Variants in CD36 observed in about 807,000 individuals in gnomAD.
CD36 encodes the protein platelet glycoprotein 4.
CD36 carries 119 observed loss-of-function variants against 55.2 expected under a neutral mutation model. The observed-to-expected ratio is 2.15, with a 90% CI of 1.86 to 2.51. CD36 has a LOEUF of 2.51. Among genes scored for constraint, CD36 ranks in the 30% most tolerant of loss-of-function variants. The pLI is 0.00. For synonymous variants in CD36, 186 were observed against 193.6 expected (o/e 0.96, Z 0.33); for missense variants, 819 against 555.5 (o/e 1.47, Z -4.77).
At chr7:80,646,968 A>G in intron 3 of CD36, 108 bp downstream of exon 3, 1 of 1,227,516 alleles carries the variant, frequency 8.1e-7, no homozygotes, top group Non-Finnish European at 1.2e-6. Context: ...CTAATTTTGT[A>G]TCTTTGACAT....
intron 1 of CD36, chr7:80,623,850 C>T (rs1793605334): frequency 6.6e-6 from 1 of 152,216 alleles, no homozygotes; most frequent in African/African-American, 2.4e-5. Flanking sequence ...GGGACTGTTT[C>T]TGTGTGCTTT....
chr7:80,603,769 CA>C (rs371964967), intron 1 of CD36, among the ~76,000 whole-genome samples: 33,676 of 94,106 alleles, frequency 0.36, 3,705 homozygotes, highest in South Asian at 0.51. Flanking sequence ...TACAGTCAGG[CA>C]AAAAAAAAAA....
upstream of CD36, among the ~76,000 whole-genome samples, chr7:80,635,645 G>T (rs10215288): frequency 0.93 from 141,743 of 152,146 alleles, 66,471 homozygotes; most frequent in East Asian, 1. Context: ...TTTTAATCTT[G>T]ACAGCAATTC....
At chr7:80,634,661 A>G (rs1470889698), upstream of CD36, among the ~76,000 whole-genome samples, 1 of 152,104 alleles carries the variant, frequency 6.6e-6, no homozygotes, top group Middle Eastern at 3.2e-3. Context: ...TTTGCTTCTC[A>G]AATATGTTGC....
chr7:80,672,947 A>C, intron 12 of CD36, 104 bp downstream of exon 12: 1 of 761,004 alleles, frequency 1.3e-6, no homozygotes, highest in East Asian at 2.7e-5. Context: ...ATAACATCTG[A>C]TATCAACTTA....
intron 1 of CD36, among the ~76,000 whole-genome samples, chr7:80,612,666 A>G (rs1792939246): frequency 6.6e-6 from 1 of 152,162 alleles, no homozygotes; most frequent in Non-Finnish European, 1.5e-5. Flanking sequence ...TAGAAGAGAT[A>G]ATCTGACTTT....
chr7:80,624,735 T>C (rs1354825428), intron 1 of CD36, among the ~76,000 whole-genome samples: 1 of 151,862 alleles, frequency 6.6e-6, no homozygotes, highest in Admixed American at 6.6e-5. Context: ...AGTAATACAA[T>C]AGTAGGATAT....
intron 1 of CD36, among the ~76,000 whole-genome samples, chr7:80,615,098 C>CGA (rs1391483942): frequency 6.6e-6 from 1 of 152,078 alleles, no homozygotes; most frequent in East Asian, 1.9e-4. Context: ...AGCACATTCC[C>CGA]GTTAATCCAA....
chr7:80,617,829 A>G (rs1397551897), intron 1 of CD36, among the ~76,000 whole-genome samples: 5 of 152,226 alleles, frequency 3.3e-5, no homozygotes, highest in African/African-American at 7.2e-5. Flanking sequence ...ATTCTTTTCA[A>G]TTACATCTGT....
At chr7:80,645,054 C>T (rs1189383380) in intron 1 of CD36, among the ~76,000 whole-genome samples, 4 of 144,404 alleles carry the variant, frequency 2.8e-5, no homozygotes, top group Admixed American at 2.1e-4. Flanking sequence ...GAGTTTCACT[C>T]TTGTTGCCCA....
intron 14 of CD36, 142 bp downstream of exon 14, chr7:80,674,289 A>G (rs921827572): frequency 4.8e-6 from 3 of 626,536 alleles, no homozygotes; most frequent in South Asian, 1.9e-5. Context: ...ATATAGGTAA[A>G]TAAACCTATA....
chr7:80,644,888 A>T (rs539300938), intron 1 of CD36, among the ~76,000 whole-genome samples: 102 of 152,240 alleles, frequency 6.7e-4, no homozygotes, highest in African/African-American at 2.3e-3. Flanking sequence ...TGACACGCCA[A>T]CCCCATTATT....
rs201759988 is a variant in CD36 at position 80,646,745 on chromosome 7, G to T, written c.5G>T (p.Gly2Val). 205 of 1,613,854 alleles carry T rather than the reference G, an allele frequency of 1.3e-4. No individual in the cohort carries two copies. The highest frequency in any genetic ancestry group is 7.8e-5 in the Non-Finnish European group (92 of 1,179,938). ...TTCACCTCCTGAACAAGAAAAATGG[G>T]CTGTGACCGGAACTGTGGGCTCATC... MGCDRNCGLIAG... is the reference protein window; with the variant it reads MVCDRNCGLIAG... The change falls in exon 3 of 15, where the codon GGC becomes GTC. Residue 2 changes from glycine (G) to valine (V), a missense_variant. Gly to Val is a moderately radical substitution (Grantham distance 109). Coordinates refer to ENST00000447544, the MANE Select transcript of CD36 (RefSeq NM_001001548.3).
chr7:80,646,554 C>T lies in CD36; in HGVS notation c.-89-98C>T, dbSNP rs146810370. 139 of 664,862 alleles carry T rather than the reference C, an allele frequency of 2.1e-4. 2 individuals carry two copies. The highest frequency in any genetic ancestry group is 1.9e-3 in the African/African-American group (102 of 54,950). 41.2% of individuals were successfully genotyped at this position (664,862 alleles called of 1,614,324 possible). On this transcript the variant is annotated intron_variant, in intron 2 of 14. Transcript: ENST00000447544. ...AAGAAAAGCATTTGTTTATTTAGAA[C>T]GGGCAAAATGATACGTTTCAGTGGG...
At chr7:80,643,302 A>G (rs1794939303) in intron 1 of CD36, among the ~76,000 whole-genome samples, 1 of 152,200 alleles carries the variant, frequency 6.6e-6, no homozygotes, top group Admixed American at 6.5e-5. Flanking sequence ...TCTAACAGCA[A>G]TAGAGTTATA....
At chr7:80,646,911 C>A (rs3211806) in intron 3 of CD36, 51 bp downstream of exon 3, 2 of 1,604,512 alleles carry the variant, frequency 1.2e-6, no homozygotes, top group African/African-American at 2.7e-5. Context: ...ATTCTAACTT[C>A]TCTTTTTTTG....
intron 1 of CD36, among the ~76,000 whole-genome samples, chr7:80,642,315 C>G (rs1217673891): frequency 6.6e-6 from 1 of 152,016 alleles, no homozygotes; most frequent in Non-Finnish European, 1.5e-5. Context: ...AAATTAATTA[C>G]CTATTTTCAT....
chr7:80,623,398 T>G (rs1366093638), intron 1 of CD36, among the ~76,000 whole-genome samples: 2 of 152,218 alleles, frequency 1.3e-5, no homozygotes, highest in Admixed American at 6.5e-5. Context: ...AAATATTAAT[T>G]CAGTATGTGA....
chr7:80,654,021 G>A (rs750529799), intron 3 of CD36, among the ~76,000 whole-genome samples: 1 of 152,126 alleles, frequency 6.6e-6, no homozygotes, highest in Admixed American at 6.6e-5. Flanking sequence ...AATGGACGGG[G>A]TTAGATAGTC....
Sources: gnomAD v4.1 joint callset for allele counts (sites outside exome capture counted in the v4.1 genomes callset) on GRCh38, gnomAD v4.1.1 for gene constraint, MANE v1.5 for transcripts, NCBI Gene and HGNC (gene_info 2026-07-23, HGNC 2026-07-21) for gene names.